Variants in ADAMTS14 observed in about 807,000 individuals in gnomAD.
The protein encoded by ADAMTS14 is ADAM metallopeptidase with thrombospondin type 1 motif 14, also known as A disintegrin and metalloproteinase with thrombospondin motifs 14.
In ADAMTS14, 100 loss-of-function variants were observed where a neutral mutation model predicts 128.6. The observed-to-expected ratio is 0.78, with a 90% CI of 0.66 to 0.92. The LOEUF is 0.92. Ranked by LOEUF, ADAMTS14 falls within the 40% of genes least tolerant of loss-of-function variation. The pLI is 0.00. For missense variants in ADAMTS14, 1,562 were observed against 1,658.6 expected, an observed-to-expected ratio of 0.94 and a Z score of 1.01; for synonymous variants, 665 against 653.8, an observed-to-expected ratio of 1.02 and a Z score of -0.26.
At chr10:70,720,273 G>C (rs2132644235) in intron 4 of ADAMTS14, among the ~76,000 whole-genome samples, 1 of 152,354 alleles carries the variant, frequency 6.6e-6, no homozygotes, top group African/African-American at 2.4e-5. Flanking sequence ...TTGGCAGAGA[G>C]GGAAGATGGA....
At chr10:70,737,567 C>T (rs2132694660) in intron 10 of ADAMTS14, among the ~76,000 whole-genome samples, 1 of 152,342 alleles carries the variant, frequency 6.6e-6, no homozygotes, top group Non-Finnish European at 1.5e-5. Context: ...CAGCCTGCCC[C>T]CTGCCTCCTG....
intron 4 of ADAMTS14, among the ~76,000 whole-genome samples, chr10:70,726,065 CT>C (rs1841416822): frequency 6.6e-6 from 1 of 152,250 alleles, no homozygotes; most frequent in Non-Finnish European, 1.5e-5. Flanking sequence ...TCCAGATGGG[CT>C]GTCCCTTTCT....
At chr10:70,678,675 T>G (rs1274708399) in intron 2 of ADAMTS14, among the ~76,000 whole-genome samples, 1 of 151,982 alleles carries the variant, frequency 6.6e-6, no homozygotes, top group Non-Finnish European at 1.5e-5. Context: ...GGTAGGTTGC[T>G]CTCTTGAAGA....
chr10:70,674,478 C>CA, intron 1 of ADAMTS14, 78 bp from the exon 2 acceptor site: 1 of 1,458,304 alleles, frequency 6.9e-7, no homozygotes, highest in Non-Finnish European at 9.4e-7. Flanking sequence ...CTATCCCTCC[C>CA]TGCCCGCGTG....
rs552092818 is a variant in ADAMTS14, at chr10:70,708,273, C to A, written c.680-315C>A. On this transcript the variant is annotated intron_variant, in intron 3 of 21. Coordinates refer to ENST00000373207, the MANE Select transcript of ADAMTS14 (RefSeq NM_080722.4). ...CATGTTATAAGAGAGACAATGGAGG[C>A]CAGAGAAGCGAGGGATTGGGCCTGG... 6.4e-4 allele frequency among the ~76,000 whole-genome samples: 98 copies of A among 152,270 alleles called. 2 individuals are homozygous for A. The highest frequency in any genetic ancestry group is 2.3e-3 in the African/African-American group (94 of 41,554).
intron 15 of ADAMTS14, among the ~76,000 whole-genome samples, chr10:70,748,568 T>A (rs557595796): frequency 1.3e-5 from 2 of 152,316 alleles, no homozygotes; most frequent in African/African-American, 4.8e-5. Context: ...TCTCTCTGGG[T>A]GCCTGGGCTC....
chr10:70,677,482 G>C (rs1307559988), intron 2 of ADAMTS14, among the ~76,000 whole-genome samples: 1 of 152,150 alleles, frequency 6.6e-6, no homozygotes, highest in Non-Finnish European at 1.5e-5. Context: ...AAGCCGGATC[G>C]GGTCTCAGAG....
At chr10:70,754,390 C>T (rs1842431276) in intron 19 of ADAMTS14, among the ~76,000 whole-genome samples, 1 of 152,174 alleles carries the variant, frequency 6.6e-6, no homozygotes, top group Admixed American at 6.5e-5. Flanking sequence ...TCGTGCAGCC[C>T]ACAGTCCTGT....
At chr10:70,746,828 G>A (rs1246756957) in intron 15 of ADAMTS14, among the ~76,000 whole-genome samples, 3 of 152,166 alleles carry the variant, frequency 2.0e-5, no homozygotes, top group Non-Finnish European at 4.4e-5. Flanking sequence ...GCCTGGTTCA[G>A]AGCAGGGTCC....
At chr10:70,711,215 G>A (rs1471077339) in intron 4 of ADAMTS14, among the ~76,000 whole-genome samples, 1 of 152,210 alleles carries the variant, frequency 6.6e-6, no homozygotes, top group Non-Finnish European at 1.5e-5. Flanking sequence ...CTCTCTGACC[G>A]ACTTCTCTAC....
At chr10:70,729,482 T>A in intron 5 of ADAMTS14, 105 bp downstream of exon 5, 1 of 981,264 alleles carries the variant, frequency 1.0e-6, no homozygotes, top group Non-Finnish European at 1.6e-6. Context: ...TCCAGGAATC[T>A]GTTTCCAGAA....
At chr10:70,743,783 A>T (rs1365036921) in intron 13 of ADAMTS14, 102 bp downstream of exon 13, 2 of 1,417,018 alleles carry the variant, frequency 1.4e-6, no homozygotes, top group African/African-American at 2.9e-5. Context: ...TCACCGGCCC[A>T]CTCGCAACAC....
chr10:70,709,266 G>A (rs549367645), intron 4 of ADAMTS14, among the ~76,000 whole-genome samples: 144 of 152,272 alleles, frequency 9.5e-4, no homozygotes, highest in African/African-American at 3.2e-3. Flanking sequence ...GGCCCTGGGT[G>A]TGCACAGACA....
intron 18 of ADAMTS14, 91 bp from the exon 19 acceptor site, chr10:70,753,709 C>A: frequency 7.4e-7 from 1 of 1,352,342 alleles, no homozygotes; most frequent in Non-Finnish European, 9.9e-7. Context: ...CACTCTCTGG[C>A]TCCTGCCTGC....
Position 70,702,456 on chromosome 10 carries a change from C to A in ADAMTS14, c.667C>A (p.Leu223Met). 1 of 1,608,550 alleles carries A rather than the reference C, an allele frequency of 6.2e-7. No individual in the cohort carries two copies. The highest frequency in any genetic ancestry group is 8.5e-7 in the Non-Finnish European group (1 of 1,177,170). ...QQEWAEPDGDLHNEAFGLGDL... is the reference protein window; with the variant it reads ...QQEWAEPDGDMHNEAFGLGDL... ...GGAGTGGGCAGAACCTGACGGGGAC[C>A]TGCACAATGAAGGTAGGCTGTAGGT... The change falls in exon 3 of 22, where the codon CTG becomes ATG. Residue 223 changes from leucine to methionine, a missense_variant. Leu to Met is a conservative substitution (Grantham distance 15). Transcript: ENST00000373207.
intron 3 of ADAMTS14, among the ~76,000 whole-genome samples, chr10:70,707,138 G>C (rs1210210576): frequency 2.0e-5 from 3 of 152,180 alleles, no homozygotes; most frequent in African/African-American, 7.2e-5. Flanking sequence ...TGTAGTCTTT[G>C]ATATTCCTGT....
chr10:70,748,303 C>A (rs756004458), intron 15 of ADAMTS14, among the ~76,000 whole-genome samples: 3 of 152,116 alleles, frequency 2.0e-5, no homozygotes, highest in Non-Finnish European at 4.4e-5. Flanking sequence ...ATAATCAGGG[C>A]TCTGCTACAG....
At chr10:70,701,579 G>C (rs1210616775) in intron 2 of ADAMTS14, among the ~76,000 whole-genome samples, 1 of 152,152 alleles carries the variant, frequency 6.6e-6, no homozygotes, top group Non-Finnish European at 1.5e-5. Flanking sequence ...CCCCTGTGAT[G>C]ACCGCCTTCA....
intron 2 of ADAMTS14, among the ~76,000 whole-genome samples, chr10:70,685,807 G>A (rs895925899): frequency 3.3e-5 from 5 of 152,178 alleles, no homozygotes; most frequent in Non-Finnish European, 5.9e-5. Flanking sequence ...AAAGTGATTG[G>A]TCTAATGGTG....
Sources: gnomAD v4.1 joint callset for allele counts (sites outside exome capture counted in the v4.1 genomes callset) on GRCh38, gnomAD v4.1.1 for gene constraint, MANE v1.5 for transcripts, NCBI Gene and HGNC (gene_info 2026-07-23, HGNC 2026-07-21) for gene names.